TBC1D19: variants seen among roughly 807,000 people sequenced by gnomAD.
TBC1D19 encodes the protein TBC1 domain family member 19, also known as TBC1 domain family, member 19.
In TBC1D19, 60 loss-of-function variants were observed where a neutral mutation model predicts 89.0. That is an observed-to-expected ratio of 0.67 (90% CI 0.55 to 0.84). TBC1D19 has a LOEUF of 0.84. Among genes scored for constraint, TBC1D19 ranks in the 40% least tolerant of loss-of-function variants. TBC1D19 has a pLI of 0.00. For synonymous variants in TBC1D19, 189 were observed against 199.7 expected (o/e 0.95, Z 0.45); for missense variants, 500 against 610.8 (o/e 0.82, Z 1.91).
At chr4:26,686,241 A>G (rs146517666) in intron 12 of TBC1D19, among the ~76,000 whole-genome samples, 12 of 152,330 alleles carry the variant, frequency 7.9e-5, no homozygotes, top group East Asian at 1.9e-4. Context: ...GAACAAGGCA[A>G]TGTTACAAAA....
chr4:26,667,387 A>G (rs943332048), intron 9 of TBC1D19, among the ~76,000 whole-genome samples: 5 of 152,018 alleles, frequency 3.3e-5, no homozygotes, highest in Admixed American at 2.0e-4. Flanking sequence ...AAAGATTACT[A>G]TTCTGATTTC....
intron 5 of TBC1D19, among the ~76,000 whole-genome samples, chr4:26,638,417 T>G (rs1220368481): frequency 6.7e-6 from 1 of 148,422 alleles, no homozygotes; most frequent in Non-Finnish European, 1.5e-5. Flanking sequence ...TCACACTCTC[T>G]TGGCCAGTCC....
At chr4:26,579,299 C>G (rs573342279), upstream of TBC1D19, among the ~76,000 whole-genome samples, 86 of 152,336 alleles carry the variant, frequency 5.6e-4, no homozygotes, top group African/African-American at 1.9e-3. Context: ...TCATCTCTCT[C>G]CAAGAATTGA....
At chr4:26,652,282 A>G (rs1008655771) in intron 7 of TBC1D19, among the ~76,000 whole-genome samples, 3 of 151,938 alleles carry the variant, frequency 2.0e-5, no homozygotes, top group Admixed American at 6.5e-5. Context: ...AGTTTCAGAA[A>G]GAATGGTACC....
intron 15 of TBC1D19, among the ~76,000 whole-genome samples, chr4:26,735,160 A>G (rs1007753079): frequency 1.3e-5 from 2 of 151,620 alleles, no homozygotes; most frequent in Admixed American, 1.3e-4. Flanking sequence ...GTGTATGTGT[A>G]TATGTATGTA....
intron 10 of TBC1D19, among the ~76,000 whole-genome samples, chr4:26,673,446 T>TATATATATACACACACACACAC (rs373807642): frequency 2.9e-4 from 26 of 90,864 alleles, no homozygotes; most frequent in Admixed American, 7.3e-4. Context: ...TATATATATA[T>TATATATATACACACACACACAC]ACACACACAC....
intron 8 of TBC1D19, among the ~76,000 whole-genome samples, chr4:26,665,894 T>C (rs1367126013): frequency 6.6e-6 from 1 of 152,050 alleles, no homozygotes; most frequent in Non-Finnish European, 1.5e-5. Flanking sequence ...GAACTGTTTT[T>C]GGAAAACAGT....
the TBC1D19 span, among the ~76,000 whole-genome samples, chr4:26,808,572 A>G: frequency 3.8e-4 from 58 of 151,474 alleles, no homozygotes; most frequent in Non-Finnish European, 6.8e-4. Flanking sequence ...ACTAAAATAC[A>G]AAAAAAATTA....
chr4:26,605,700 A>T (rs1052263232), intron 1 of TBC1D19, among the ~76,000 whole-genome samples: 2 of 151,970 alleles, frequency 1.3e-5, no homozygotes, highest in African/African-American at 4.8e-5. Flanking sequence ...TTTCTCCACA[A>T]ACTCTCCAGC....
chr4:26,614,062 G>A (rs944427593), intron 2 of TBC1D19, among the ~76,000 whole-genome samples: 2 of 152,096 alleles, frequency 1.3e-5, no homozygotes, highest in Non-Finnish European at 2.9e-5. Flanking sequence ...CGTTCCCTTG[G>A]CACATTCCTT....
At chr4:26,597,871 T>G (rs1343413800) in intron 1 of TBC1D19, among the ~76,000 whole-genome samples, 1 of 152,146 alleles carries the variant, frequency 6.6e-6, no homozygotes, top group Admixed American at 6.5e-5. Flanking sequence ...TTCCTCTTCA[T>G]TAGCTTGTTG....
intron 1 of TBC1D19, among the ~76,000 whole-genome samples, chr4:26,607,423 C>G (rs1741081994): frequency 6.6e-6 from 1 of 152,076 alleles, no homozygotes. Context: ...GAAAAATTTT[C>G]TATTTGAGAC....
At chr4:26,794,998 C>T in the TBC1D19 span, among the ~76,000 whole-genome samples, 3 of 152,180 alleles carry the variant, frequency 2.0e-5, no homozygotes, top group African/African-American at 7.2e-5. Flanking sequence ...GGCTGTTCTC[C>T]AGCTACCAGC....
At chr4:26,638,930 G>A in intron 6 of TBC1D19, 96 bp downstream of exon 6, 1 of 1,018,246 alleles carries the variant, frequency 9.8e-7, no homozygotes, top group Non-Finnish European at 1.4e-6. Flanking sequence ...CTTTTGGGAA[G>A]ATTGCAATTT....
At chr4:26,673,742 G>A (rs1712546807) in intron 10 of TBC1D19, 34 bp from the exon 11 acceptor site, 1 of 1,391,134 alleles carries the variant, frequency 7.2e-7, no homozygotes, top group Non-Finnish European at 1.0e-6. Context: ...TACATTCTGA[G>A]TTTTCAAAGG....
chr4:26,704,917 C>T (rs757074522), intron 13 of TBC1D19, among the ~76,000 whole-genome samples: 9 of 152,086 alleles, frequency 5.9e-5, no homozygotes, highest in Admixed American at 1.3e-4. Flanking sequence ...TCCACATCAT[C>T]GCCAACATGT....
At chr4:26,705,436 C>G (rs1715663902) in intron 13 of TBC1D19, among the ~76,000 whole-genome samples, 1 of 152,206 alleles carries the variant, frequency 6.6e-6, no homozygotes, top group East Asian at 1.9e-4. Context: ...GGTCTTTAAT[C>G]CATTTTGACT....
intron 4 of TBC1D19, among the ~76,000 whole-genome samples, chr4:26,631,395 T>G (rs1742800219): frequency 6.6e-6 from 1 of 152,112 alleles, no homozygotes; most frequent in Non-Finnish European, 1.5e-5. Context: ...AAAAGTGATG[T>G]GTTGCTTAGT....
chr4:26,604,722 TA>T (rs902016742), intron 1 of TBC1D19, among the ~76,000 whole-genome samples: 10 of 148,726 alleles, frequency 6.7e-5, no homozygotes, highest in East Asian at 4.1e-4. Flanking sequence ...AAAAATACAT[TA>T]AAAAAAAATT....
Sources: gnomAD v4.1 joint callset for allele counts (sites outside exome capture counted in the v4.1 genomes callset) on GRCh38, gnomAD v4.1.1 for gene constraint, MANE v1.5 for transcripts, NCBI Gene and HGNC (gene_info 2026-07-23, HGNC 2026-07-21) for gene names.